The following ZNF710 variants were observed in gnomAD, a reference collection of about 807,000 sequenced individuals.
The protein encoded by ZNF710 is zinc finger protein 710.
A neutral mutation model predicts 50.6 loss-of-function variants in ZNF710; 13 were observed. That is an observed-to-expected ratio of 0.26 (90% CI 0.17 to 0.41). The LOEUF (loss-of-function observed/expected upper bound fraction) is 0.41. Ranked by LOEUF, ZNF710 falls within the 10% of genes least tolerant of loss-of-function variation. The pLI is 1.00. For synonymous variants in ZNF710, 383 were observed against 397.0 expected, an observed-to-expected ratio of 0.96 and a Z score of 0.42; for missense variants, 721 against 936.6, an observed-to-expected ratio of 0.77 and a Z score of 3.01.
intron 1 of ZNF710, among the ~76,000 whole-genome samples, chr15:90,051,445 C>A (rs1298752299): frequency 6.6e-6 from 1 of 151,872 alleles, no homozygotes; most frequent in Non-Finnish European, 1.5e-5. Context: ...ACCAGCCTGG[C>A]CAACATGGCA....
At chr15:90,078,852 G>C (rs1157749311) in intron 4 of ZNF710, among the ~76,000 whole-genome samples, 1 of 152,208 alleles carries the variant, frequency 6.6e-6, no homozygotes, top group African/African-American at 2.4e-5. Flanking sequence ...ATGCACTTTG[G>C]GGGCCAGCCA....
intron 1 of ZNF710, among the ~76,000 whole-genome samples, chr15:90,015,459 C>T (rs1596266441): frequency 2.0e-5 from 3 of 152,046 alleles, no homozygotes; most frequent in African/African-American, 7.3e-5. Flanking sequence ...ATAAATTGTA[C>T]ATGTGTGAAA....
chr15:90,081,660 G>C lies in ZNF710; in HGVS notation c.*1831G>C, dbSNP rs1900725111. 1 of 152,278 alleles carries C rather than the reference G, an allele frequency of 6.6e-6. No homozygotes were observed. Among genetic ancestry groups the C allele is most frequent in the Non-Finnish European group, 1.5e-5 (1 of 68,114 alleles). The allele number at this position is 152,278 out of a possible 1,614,324, so 9.4% of individuals were successfully genotyped here. A position where few individuals can be genotyped will look rare whatever the true frequency, so the allele number is the denominator to read the frequency against. ...GTCACTGTATAAGACATTTTCTCCT[G>C]CTGAGCAGAAGGCATCATCCCCTGC... is the stretch of plus-strand genomic sequence containing the variant. On this transcript the variant is annotated 3_prime_UTR_variant, in exon 5 of 5. Coordinates refer to ENST00000268154, the MANE Select transcript of ZNF710 (RefSeq NM_198526.4).
chr15:90,079,602 G>A lies in ZNF710; in HGVS notation c.1826-58G>A, dbSNP rs571975577. On this transcript the variant is annotated intron_variant, in intron 4 of 4. Transcript: ENST00000268154. ...AAAGGCCATCAGCTTCCTGCGTGGG[G>A]GTGACTGGCTCCTCCCGAGAGATGG... 13 of 1,588,404 alleles carry A rather than the reference G, an allele frequency of 8.2e-6. No homozygotes were observed. The African/African-American group carries it at 1.5e-4, about 18-fold the overall frequency.
At position 90,068,987 on chromosome 15, in the gene ZNF710, C is replaced by T. The variant is rs192206737; in HGVS notation, c.1458+392C>T. Among the ~76,000 whole-genome samples the T allele has an allele frequency of 1.3e-5, 2 of 151,688 alleles. No individual in the cohort carries two copies. Among genetic ancestry groups the T allele is most frequent in the African/African-American group, 2.4e-5 (1 of 41,252 alleles). ...TCATGCCTGTAATCCCAGCACTTTGCGAGGCCAAGGCGGGCAGATCACCTG... is the reference window on the plus strand; with the variant it reads ...TCATGCCTGTAATCCCAGCACTTTGTGAGGCCAAGGCGGGCAGATCACCTG... On this transcript the variant is annotated intron_variant, in intron 2 of 4. Coordinates refer to ENST00000268154, the MANE Select transcript of ZNF710 (RefSeq NM_198526.4). This position sits in a 1 kb window ranked among gnomAD's most constrained non-coding sequence, Gnocchi z 5.0.
Position 90,009,790 on chromosome 15 carries a change from TCTC to T in ZNF710, c.-29+8179_-29+8181del, listed in dbSNP as rs552007801. On this transcript the variant is annotated intron_variant, in intron 1 of 4. Transcript: ENST00000268154. The stretch of plus-strand genomic sequence containing the variant: ...GTCCCCACTTCCTCTCTCCCCCTCT[TCTC>T]CTTGCCAGCTCAACAACAGTGGAGC... Among the ~76,000 whole-genome samples the T allele has an allele frequency of 6.6e-5, 10 of 151,646 alleles. No homozygotes were observed. The South Asian group carries it at 1.3e-3, about 19-fold the overall frequency.
At chr15:90,042,377 T>G (rs1052453846) in intron 1 of ZNF710, among the ~76,000 whole-genome samples, 14 of 150,418 alleles carry the variant, frequency 9.3e-5, no homozygotes, top group African/African-American at 2.7e-4. Flanking sequence ...CAGCATTAGG[T>G]TGGCCCCAAG....
At chr15:90,072,376 G>T (rs1053907947) in intron 2 of ZNF710, among the ~76,000 whole-genome samples, 4 of 152,188 alleles carry the variant, frequency 2.6e-5, no homozygotes, top group African/African-American at 9.7e-5. Flanking sequence ...GGAGCGGCCT[G>T]CAAGGCTGTA....
chr15:90,078,797 GTC>G (rs1239578932), intron 4 of ZNF710, among the ~76,000 whole-genome samples: 1 of 152,200 alleles, frequency 6.6e-6, no homozygotes, highest in Non-Finnish European at 1.5e-5. Flanking sequence ...CCAGCCTGGG[GTC>G]TGTTTCCCCC....
intron 1 of ZNF710, among the ~76,000 whole-genome samples, chr15:90,048,617 TC>T (rs1217235302): frequency 6.6e-6 from 1 of 152,164 alleles, no homozygotes; most frequent in Non-Finnish European, 1.5e-5. Context: ...GAGGAGTGGG[TC>T]ATTCCAGCTG....
chr15:90,077,089 CTA>C (rs1408791060), intron 4 of ZNF710, among the ~76,000 whole-genome samples: 1 of 152,072 alleles, frequency 6.6e-6, no homozygotes, highest in Non-Finnish European at 1.5e-5. Context: ...GATCTAGTAA[CTA>C]TGGGGCTGTC....
At chr15:90,020,606 G>T (rs1898587861) in intron 1 of ZNF710, among the ~76,000 whole-genome samples, 1 of 152,254 alleles carries the variant, frequency 6.6e-6, no homozygotes, top group African/African-American at 2.4e-5. Flanking sequence ...GACGCCTCAT[G>T]TGTGTTGGAA....
At chr15:90,057,494 G>C (rs527384932) in intron 1 of ZNF710, among the ~76,000 whole-genome samples, 1 of 152,158 alleles carries the variant, frequency 6.6e-6, no homozygotes, top group East Asian at 1.9e-4. Context: ...CCAGGAGTTT[G>C]AGACCAGCCT....
At position 90,011,482 on chromosome 15, in the gene ZNF710, T is replaced by C. The variant is rs542720175; in HGVS notation, c.-29+9868T>C. On this transcript the variant is annotated intron_variant, in intron 1 of 4. Coordinates refer to ENST00000268154, the MANE Select transcript of ZNF710 (RefSeq NM_198526.4). ...AAACAATGTAAAGACCTTAGAATGCTTTATATAAAGTCACCACTGTCCCTC... is the reference window on the plus strand; with the variant it reads ...AAACAATGTAAAGACCTTAGAATGCCTTATATAAAGTCACCACTGTCCCTC... Among the ~76,000 whole-genome samples the C allele has an allele frequency of 1.1e-3, 166 of 152,364 alleles. 1 individual carries two copies. Among genetic ancestry groups the C allele is most frequent in the South Asian group, 1.4e-3 (7 of 4,832 alleles).
chr15:90,067,195 G>A lies in ZNF710; in HGVS notation c.58G>A (p.Ala20Thr), dbSNP rs1228806145. 6.2e-7 allele frequency: 1 copy of A among 1,613,530 alleles called. No homozygotes were observed. Among genetic ancestry groups the A allele is most frequent in the Non-Finnish European group, 8.5e-7 (1 of 1,179,818 alleles). ...GGACGCCGTGGTGGTGCTGTCCTTG[G>A]CTCAGGCCGCCGTGCTTGGCCTGGT... ...QTDAVVVLSL[A>T]QAAVLGLVSE... is the part of the protein sequence containing the mutation. Residue 20 changes from alanine to threonine, a missense_variant, in exon 2 of 5, where the codon GCT becomes ACT. Ala to Thr is a moderately conservative substitution (Grantham distance 58, BLOSUM62 0). Coordinates refer to ENST00000268154, the MANE Select transcript of ZNF710 (RefSeq NM_198526.4). This position sits in a 1 kb window ranked among gnomAD's most constrained non-coding sequence, Gnocchi z 8.1.
intron 1 of ZNF710, chr15:90,045,303 T>A: frequency 1.0e-6 from 1 of 984,694 alleles, no homozygotes; most frequent in Non-Finnish European, 1.2e-6. Context: ...TTGAGCCTGG[T>A]CAACTGGAAC....
chr15:90,058,291 C>T (rs896789648), intron 1 of ZNF710, among the ~76,000 whole-genome samples: 3 of 152,128 alleles, frequency 2.0e-5, no homozygotes, highest in African/African-American at 7.2e-5. Context: ...CTTGATTCAC[C>T]GGACAAGGTC....
intron 3 of ZNF710, 127 bp from the exon 4 acceptor site, chr15:90,073,989 C>CTAA (rs1900490443): frequency 1.6e-6 from 1 of 642,248 alleles, no homozygotes. Context: ...GAGTCTGTCT[C>CTAA]AAAAAAAAAA....
intron 1 of ZNF710, among the ~76,000 whole-genome samples, chr15:90,008,643 G>T (rs544947079): frequency 6.6e-6 from 1 of 150,916 alleles, no homozygotes; most frequent in South Asian, 2.1e-4. Flanking sequence ...AAATCAGTCG[G>T]TGGCACGTGT....
Sources: allele counts gnomAD v4.1 joint callset (sites outside exome capture counted in the v4.1 genomes callset), GRCh38; gene constraint gnomAD v4.1.1; non-coding constraint Gnocchi (gnomAD v3.1); transcripts MANE v1.5; gene names NCBI Gene and HGNC (gene_info 2026-07-23, HGNC 2026-07-21).